The following TUBGCP5 variants were observed in gnomAD, a reference collection of about 807,000 sequenced individuals.
TUBGCP5 encodes tubulin gamma complex component 5.
TUBGCP5 carries 98 observed loss-of-function variants against 134.7 expected under a neutral mutation model. That is an observed-to-expected ratio of 0.73 (90% confidence interval 0.62 to 0.86). The LOEUF (loss-of-function observed/expected upper bound fraction) is 0.86, where lower values mean the gene tolerates loss of function less well. Ranked by LOEUF, TUBGCP5 falls within the 40% of genes least tolerant of loss-of-function variation. TUBGCP5 has a pLI of 0.00. For missense variants in TUBGCP5, 1,150 were observed against 1,244.8 expected, an observed-to-expected ratio of 0.92 and a Z score of 1.15; for synonymous variants, 456 against 431.4, an observed-to-expected ratio of 1.06 and a Z score of -0.71.
In TUBGCP5 at chr15:23,003,092, C is replaced by A. The variant is rs1396507767; in HGVS notation, c.2900G>T (p.Gly967Val). 1.9e-6 allele frequency: 3 copies of A among 1,614,040 alleles called. No homozygotes were observed. Among genetic ancestry groups the A allele is most frequent in the Non-Finnish European group, 2.5e-6 (3 of 1,180,024 alleles). The change falls in exon 21 of 23, where the codon GGT becomes GTT. Residue 967 changes from glycine (G) to valine (V), a missense_variant. Gly to Val is a moderately radical substitution (Grantham distance 109). Around this residue, in one of 2 missense-constraint regions of TUBGCP5, gnomAD observed 697 missense variants for 850.1 expected, o/e 0.82. Coordinates refer to ENST00000615383, the MANE Select transcript of TUBGCP5 (RefSeq NM_052903.6). ...VLNLALMFAD[G>V]WQAGLGTWRM... is the part of the protein sequence containing the mutation. ...CCAAGTGCCCAGGCCTGCCTGCCAACCGTCTGCAAACATGAGAGCCAAGTT... is the reference window on the plus strand; with the variant it reads ...CCAAGTGCCCAGGCCTGCCTGCCAAACGTCTGCAAACATGAGAGCCAAGTT...
chr15:23,001,313 G>A (rs1303132277), intron 21 of TUBGCP5, among the ~76,000 whole-genome samples: 2 of 150,634 alleles, frequency 1.3e-5, no homozygotes, highest in Non-Finnish European at 2.9e-5. Flanking sequence ...AAAGTGCTGG[G>A]ATTGCAGTTG....
intron 7 of TUBGCP5, among the ~76,000 whole-genome samples, 191 bp from the exon 8 acceptor site, chr15:23,026,396 T>TA (rs2065988729): frequency 1.3e-5 from 2 of 152,148 alleles, no homozygotes; most frequent in African/African-American, 4.8e-5. Context: ...TCAGAACAAT[T>TA]ACAATTGTTA....
chr15:23,035,364 C>T (rs921701271), intron 3 of TUBGCP5, among the ~76,000 whole-genome samples: 11 of 150,484 alleles, frequency 7.3e-5, no homozygotes, highest in African/African-American at 2.7e-4. Flanking sequence ...GAAGTTATTG[C>T]TACACCACAC....
At chr15:23,033,675 G>A (rs941155628) in intron 3 of TUBGCP5, among the ~76,000 whole-genome samples, 1 of 152,166 alleles carries the variant, frequency 6.6e-6, no homozygotes, top group African/African-American at 2.4e-5. Flanking sequence ...GAGAAATAAT[G>A]CCAAAATATA....
rs139962981 is a variant in TUBGCP5, at chr15:23,013,844, C to T, written c.1757-2513G>A. Among the ~76,000 whole-genome samples, 2,384 of 152,218 alleles carry T rather than the reference C, an allele frequency of 0.016. 23 individuals are homozygous for T. The highest frequency in any genetic ancestry group is 0.027 in the Non-Finnish European group (1,809 of 67,996). On this transcript the variant is annotated intron_variant, in intron 13 of 22. Coordinates refer to ENST00000615383, the MANE Select transcript of TUBGCP5 (RefSeq NM_052903.6). The surrounding 1 kb of genome is among the most constrained non-coding windows in gnomAD (Gnocchi z 4.5). The stretch of plus-strand genomic sequence containing the variant: ...TCAGACCAGAGCCACCTCTGGAGCA[C>T]GCCCTCCTCTGGGCCAGTAGCTGCT...
At chr15:22,991,342 T>C (rs1453024309) in intron 23 of TUBGCP5, among the ~76,000 whole-genome samples, 1 of 152,162 alleles carries the variant, frequency 6.6e-6, no homozygotes, top group East Asian at 1.9e-4. Context: ...GTGATCCGCC[T>C]GCCTCGGCCT....
intron 23 of TUBGCP5, among the ~76,000 whole-genome samples, chr15:22,985,368 G>GCCA (rs200082962): frequency 0.19 from 29,142 of 151,636 alleles, 2,869 homozygotes; most frequent in Non-Finnish European, 0.2. Context: ...ACAGGCATGC[G>GCCA]CCACCACTCC....
intron 8 of TUBGCP5, among the ~76,000 whole-genome samples, chr15:23,025,559 G>A (rs970048631): frequency 4.6e-5 from 7 of 152,122 alleles, no homozygotes; most frequent in African/African-American, 7.2e-5. Flanking sequence ...AGCTACCGGC[G>A]CGGTGGCTCA....
chr15:23,029,373 C>T (rs1477643082), intron 6 of TUBGCP5, among the ~76,000 whole-genome samples: 1 of 152,096 alleles, frequency 6.6e-6, no homozygotes, highest in Non-Finnish European at 1.5e-5. Context: ...AGGCATGCGC[C>T]ACTATGCCCA....
chr15:22,986,781 C>T (rs553415951), intron 23 of TUBGCP5, among the ~76,000 whole-genome samples: 1 of 151,442 alleles, frequency 6.6e-6, no homozygotes, highest in Non-Finnish European at 1.5e-5. Context: ...ATCGTTAAAT[C>T]GTTTGCTTGG....
chr15:23,036,820 G>A (rs1193587838), intron 3 of TUBGCP5, 77 bp downstream of exon 3: 2 of 1,015,340 alleles, frequency 2.0e-6, no homozygotes, highest in African/African-American at 3.2e-5. Flanking sequence ...TGTTTAAACA[G>A]TAACTGAAAC....
At chr15:22,992,090 A>C (rs1215868385) in intron 23 of TUBGCP5, among the ~76,000 whole-genome samples, 2 of 152,136 alleles carry the variant, frequency 1.3e-5, no homozygotes, top group Non-Finnish European at 2.9e-5. Flanking sequence ...AAGAGAGTGA[A>C]TCTGAGAAGA....
intron 22 of TUBGCP5, 128 bp from the exon 23 acceptor site, chr15:22,999,994 TCTGCCTCCCGGGTTCAAGCAATTTTC>T (rs2064277556): frequency 1.2e-6 from 1 of 829,176 alleles, no homozygotes; most frequent in Admixed American, 2.3e-5. Flanking sequence ...CACTGCAACC[TCTGCCTCCCGGGTTCAAGCAATTTTC>T]CTGCCTCAGC....
In TUBGCP5 at chr15:23,004,061, C is replaced by T. The variant is rs202215360; in HGVS notation, c.2838+41G>A. The T allele has an allele frequency of 3.3e-4, 513 of 1,560,060 alleles. 4 individuals carry two copies. In the Middle Eastern group the frequency reaches 4.8e-3, roughly 15 times the overall value. On this transcript the variant is annotated intron_variant, in intron 20 of 22. Coordinates refer to ENST00000615383, the MANE Select transcript of TUBGCP5 (RefSeq NM_052903.6). ...TCCAAAGCACGCAGACAGCGCCACT[C>T]GCCCAGCAGTGGCCACATCTGCAGG...
chr15:22,996,451 C>T (rs761343303), downstream of TUBGCP5, among the ~76,000 whole-genome samples: 3 of 152,012 alleles, frequency 2.0e-5, no homozygotes, highest in South Asian at 2.1e-4. Flanking sequence ...TCACATCAGC[C>T]GGGGAACATA....
At chr15:23,037,533 A>G (rs889673666) in intron 1 of TUBGCP5, among the ~76,000 whole-genome samples, 3 of 152,182 alleles carry the variant, frequency 2.0e-5, no homozygotes, top group African/African-American at 7.2e-5. Context: ...TTAAAGCCAA[A>G]AAATAAATAC....
intron 13 of TUBGCP5, among the ~76,000 whole-genome samples, chr15:23,012,958 C>T (rs1208621286): frequency 4.6e-5 from 7 of 151,968 alleles, no homozygotes; most frequent in African/African-American, 1.2e-4. Context: ...AAAAATTAGC[C>T]GGGCGTAGTG....
In TUBGCP5 at chr15:22,990,950, C is replaced by T. The variant is rs191177490; in HGVS notation, c.*61+5895G>A. Reference sequence around the variant, plus strand: ...CAGAAACTGGGGAGGCAAAGAATGGCGCGGCCATGGCCCTATTGCTCCCTT... The same window carrying T: ...CAGAAACTGGGGAGGCAAAGAATGGTGCGGCCATGGCCCTATTGCTCCCTT... On this transcript the variant is annotated intron_variant and NMD_transcript_variant, in intron 23 of 23. Coordinates refer to the TUBGCP5 transcript ENST00000614508. Among the ~76,000 whole-genome samples, 4 of 152,264 alleles carry T rather than the reference C, an allele frequency of 2.6e-5. No homozygotes were observed. The East Asian group carries it at 7.7e-4, about 29-fold the overall frequency.
At chr15:22,997,650 T>C (rs988969842), downstream of TUBGCP5, among the ~76,000 whole-genome samples, 1 of 152,086 alleles carries the variant, frequency 6.6e-6, no homozygotes, top group Non-Finnish European at 1.5e-5. Flanking sequence ...AGAGTCTCGC[T>C]CTGTCGCCCA....
Sources: allele counts gnomAD v4.1 joint callset (sites outside exome capture counted in the v4.1 genomes callset), GRCh38; gene constraint gnomAD v4.1.1; regional missense constraint gnomAD v4.1.1; non-coding constraint Gnocchi (gnomAD v3.1); transcripts MANE v1.5; gene names NCBI Gene and HGNC (gene_info 2026-07-23, HGNC 2026-07-21).